CTIF: variants seen among roughly 807,000 people sequenced by gnomAD.
CTIF encodes cap binding complex dependent translation initiation factor, also known as CBP80/20-dependent translation initiation factor.
A neutral mutation model predicts 66.0 loss-of-function variants in CTIF; 21 were observed. The ratio of observed to expected loss-of-function variants is 0.32; its 90% confidence interval spans 0.23 to 0.46. CTIF has a LOEUF of 0.46. Ranked by LOEUF, CTIF falls within the 20% of genes least tolerant of loss-of-function variation. The pLI is 1.00. For missense variants in CTIF, 739 were observed against 812.7 expected, an observed-to-expected ratio of 0.91 and a Z score of 1.10; for synonymous variants, 345 against 326.4, an observed-to-expected ratio of 1.06 and a Z score of -0.62.
intron 7 of CTIF, among the ~76,000 whole-genome samples, chr18:48,749,005 C>T (rs1406322922): frequency 6.6e-6 from 1 of 152,236 alleles, no homozygotes; most frequent in Non-Finnish European, 1.5e-5. Context: ...CTCCCCAGCC[C>T]TCTTTTATTA....
chr18:48,767,977 G>A (rs1201418099), intron 9 of CTIF, among the ~76,000 whole-genome samples: 1 of 152,138 alleles, frequency 6.6e-6, no homozygotes, highest in African/African-American at 2.4e-5. Flanking sequence ...GCCTGAAGAT[G>A]TATCTTACCC....
intron 10 of CTIF, among the ~76,000 whole-genome samples, chr18:48,839,461 G>A (rs1599142319): frequency 6.6e-6 from 1 of 152,184 alleles, no homozygotes; most frequent in South Asian, 2.1e-4. Flanking sequence ...CACTGACCGA[G>A]CTCACTGTGT....
In CTIF at chr18:48,758,382, C is replaced by T; in HGVS notation, c.1048C>T (p.Leu350=). 1 of 1,594,740 alleles carries T rather than the reference C, an allele frequency of 6.3e-7. No individual in the cohort carries two copies. Among genetic ancestry groups the T allele is most frequent in the Non-Finnish European group, 8.5e-7 (1 of 1,170,358 alleles). Reference sequence around the variant, plus strand: ...CCTGCTCCAGTCTTCCAAAGACAGACTGCGGCGAAGGCTAAAGGAAAAGGT... The same window carrying T: ...CCTGCTCCAGTCTTCCAAAGACAGATTGCGGCGAAGGCTAAAGGAAAAGGT... ...ITLLQSSKDR[L]RRRLKEKDEV... is the part of the protein sequence containing the mutation. Residue 350 remains leucine, a synonymous_variant, in exon 8 of 12, where the codon CTG becomes TTG. Transcript: ENST00000256413.
At chr18:48,644,831 G>A (rs140385717) in intron 3 of CTIF, among the ~76,000 whole-genome samples, 89 of 152,312 alleles carry the variant, frequency 5.8e-4, no homozygotes, top group African/African-American at 2.0e-3. Flanking sequence ...AGTGGGAGCC[G>A]CCATGATGTC....
intron 2 of CTIF, among the ~76,000 whole-genome samples, chr18:48,635,557 G>A (rs1272354271): frequency 2.0e-5 from 3 of 151,966 alleles, no homozygotes; most frequent in African/African-American, 7.2e-5. Flanking sequence ...AGACTCCTGG[G>A]TTCAAGTGAT....
At chr18:48,798,397 A>G (rs2067976860) in intron 9 of CTIF, among the ~76,000 whole-genome samples, 1 of 152,216 alleles carries the variant, frequency 6.6e-6, no homozygotes, top group Non-Finnish European at 1.5e-5. Flanking sequence ...TTCATCACAC[A>G]TAAGGGCTCG....
intron 5 of CTIF, among the ~76,000 whole-genome samples, chr18:48,669,209 A>G (rs1264801862): frequency 6.6e-6 from 1 of 152,120 alleles, no homozygotes; most frequent in South Asian, 2.1e-4. Flanking sequence ...TTTGGTTCAC[A>G]AGGCCCAAAA....
rs546905023 is a variant in CTIF, at chr18:48,784,745, A to G, written c.1371+23056A>G. ...GGGATGATCCATGAGTGGTCAGCAAAAAGAGAGAGACAGAGAGAGAGGTGG... is the reference window on the plus strand; with the variant it reads ...GGGATGATCCATGAGTGGTCAGCAAGAAGAGAGAGACAGAGAGAGAGGTGG... On this transcript the variant is annotated intron_variant, in intron 9 of 11. Coordinates refer to ENST00000256413, the MANE Select transcript of CTIF (RefSeq NM_014772.3). 6.0e-5 allele frequency among the ~76,000 whole-genome samples: 9 copies of G among 150,356 alleles called. No homozygotes were observed. The East Asian group carries it at 1.7e-3, about 29-fold the overall frequency.
chr18:48,624,077 T>TTTGACACCATGCCCCTCCCCATGC (rs2090548983), intron 2 of CTIF, among the ~76,000 whole-genome samples: 1 of 107,752 alleles, frequency 9.3e-6, no homozygotes, highest in South Asian at 4.1e-4. Flanking sequence ...CCTCCCCATG[T>TTTGACACCATGCCCCTCCCCATGC]TTGACACCAC....
At chr18:48,771,953 G>C (rs1005943063) in intron 9 of CTIF, among the ~76,000 whole-genome samples, 2 of 152,246 alleles carry the variant, frequency 1.3e-5, no homozygotes, top group Non-Finnish European at 2.9e-5. Context: ...CGCCTGGGCT[G>C]ATGGAAAAAA....
intron 5 of CTIF, among the ~76,000 whole-genome samples, chr18:48,665,048 G>A (rs898525179): frequency 4.6e-5 from 7 of 151,528 alleles, no homozygotes; most frequent in Non-Finnish European, 8.8e-5. Flanking sequence ...CCGAGTAGCT[G>A]GGACTACAGG....
At chr18:48,735,478 G>A (rs1226856351) in intron 7 of CTIF, among the ~76,000 whole-genome samples, 2 of 152,114 alleles carry the variant, frequency 1.3e-5, no homozygotes, top group Admixed American at 6.5e-5. Context: ...AGGGACAGCC[G>A]GCGCACAGGC....
chr18:48,790,523 C>T (rs2067768942), intron 9 of CTIF, among the ~76,000 whole-genome samples: 1 of 152,156 alleles, frequency 6.6e-6, no homozygotes, highest in Admixed American at 6.5e-5. Context: ...AGCTCAGCAG[C>T]CCCCTCCCCA....
intron 6 of CTIF, chr18:48,692,512 A>T (rs1199861835): frequency 6.6e-6 from 1 of 152,110 alleles, no homozygotes; most frequent in Non-Finnish European, 1.5e-5. Flanking sequence ...CTGCTGGGAC[A>T]TTCTAGAATC....
At chr18:48,645,401 T>C (rs1291904839) in intron 3 of CTIF, among the ~76,000 whole-genome samples, 1 of 151,958 alleles carries the variant, frequency 6.6e-6, no homozygotes, top group Non-Finnish European at 1.5e-5. Flanking sequence ...CAAAAAACTT[T>C]TCGACTGTCA....
intron 5 of CTIF, among the ~76,000 whole-genome samples, chr18:48,669,789 ACATT>A (rs1356371199): frequency 3.2e-5 from 2 of 63,342 alleles, no homozygotes; most frequent in Non-Finnish European, 3.6e-5. Flanking sequence ...AACAAGCTAA[ACATT>A]TATATATATA....
chr18:48,550,723 C>T (rs929949709), intron 1 of CTIF, among the ~76,000 whole-genome samples: 3 of 152,208 alleles, frequency 2.0e-5, no homozygotes, highest in African/African-American at 7.2e-5. Flanking sequence ...TATCTGTCCC[C>T]TGGGATCATG....
At chr18:48,592,567 G>A (rs2089909574) in intron 1 of CTIF, among the ~76,000 whole-genome samples, 1 of 152,170 alleles carries the variant, frequency 6.6e-6, no homozygotes, top group African/African-American at 2.4e-5. Flanking sequence ...TGTGGGCAAG[G>A]AGTGGATGCT....
At chr18:48,590,917 T>C (rs1285538193) in intron 1 of CTIF, among the ~76,000 whole-genome samples, 1 of 149,704 alleles carries the variant, frequency 6.7e-6, no homozygotes, top group Admixed American at 6.7e-5. Flanking sequence ...AGCCATGGAG[T>C]GAGAGTTGGA....
Sources: gnomAD v4.1 joint callset for allele counts (sites outside exome capture counted in the v4.1 genomes callset) on GRCh38, gnomAD v4.1.1 for gene constraint, MANE v1.5 for transcripts, NCBI Gene and HGNC (gene_info 2026-07-23, HGNC 2026-07-21) for gene names.